Variants in BTBD9 observed in about 807,000 individuals in gnomAD.
The protein encoded by BTBD9 is BTB domain containing 9, also known as BTB/POZ domain-containing protein 9.
Under a neutral mutation model 64.3 loss-of-function variants are expected in BTBD9, and 49 were observed. The ratio of observed to expected loss-of-function variants is 0.76; its 90% CI spans 0.61 to 0.97. The LOEUF is 0.97. Among genes scored for constraint, BTBD9 ranks in the 50% least tolerant of loss-of-function variants. The pLI is 0.00. For synonymous variants in BTBD9, 260 were observed against 274.7 expected (o/e 0.95, Z 0.53); for missense variants, 598 against 762.1 (o/e 0.78, Z 2.53).
intron 6 of BTBD9, among the ~76,000 whole-genome samples, chr6:38,460,510 ATAGC>A (rs1770030218): frequency 6.6e-6 from 1 of 152,254 alleles, no homozygotes; most frequent in Non-Finnish European, 1.5e-5. Context: ...CCCTACACTA[ATAGC>A]TAGTGAATTT....
intron 9 of BTBD9, among the ~76,000 whole-genome samples, chr6:38,228,689 C>T (rs1215225437): frequency 6.6e-6 from 1 of 151,040 alleles, no homozygotes; most frequent in Non-Finnish European, 1.5e-5. Context: ...CCCTGGCTAA[C>T]ATGGTGAAAC....
intron 1 of BTBD9, among the ~76,000 whole-genome samples, chr6:38,631,503 A>G (rs916924585): frequency 2.6e-5 from 4 of 152,232 alleles, no homozygotes; most frequent in Non-Finnish European, 5.9e-5. Context: ...ACAGGACATA[A>G]AAGGCACATG....
At chr6:38,526,275 C>T (rs554527366) in intron 6 of BTBD9, among the ~76,000 whole-genome samples, 6 of 152,334 alleles carry the variant, frequency 3.9e-5, no homozygotes, top group South Asian at 4.1e-4. Context: ...CAAACACTGG[C>T]GGCTTCTAAG....
chr6:38,613,686 G>A (rs1461100096), intron 1 of BTBD9, among the ~76,000 whole-genome samples: 1 of 152,016 alleles, frequency 6.6e-6, no homozygotes, highest in Non-Finnish European at 1.5e-5. Flanking sequence ...AGCATTTTGT[G>A]TATTTCCTGC....
At chr6:38,534,760 G>C in intron 6 of BTBD9, among the ~76,000 whole-genome samples, 1 of 151,930 alleles carries the variant, frequency 6.6e-6, no homozygotes, top group Non-Finnish European at 1.5e-5. Flanking sequence ...AACAGAATGA[G>C]GACAAAAACC....
At chr6:38,497,978 T>C (rs1372018835) in intron 6 of BTBD9, among the ~76,000 whole-genome samples, 3 of 152,188 alleles carry the variant, frequency 2.0e-5, no homozygotes, top group Non-Finnish European at 4.4e-5. Flanking sequence ...TGCTGAAAAA[T>C]GGATTTAAGG....
rs1775284988 is a variant in BTBD9 at position 38,561,986 on chromosome 6, A to G, written c.1154+15614T>C. Among the ~76,000 whole-genome samples the G allele has an allele frequency of 3.3e-5, 5 of 152,284 alleles. No individual in the cohort carries two copies. In the South Asian group the frequency reaches 1.0e-3, roughly 32 times the overall value. On this transcript the variant is annotated intron_variant, in intron 6 of 10. Transcript: ENST00000481247. ...GCATGCAAGTGCACCTAGTACTATA[A>G]AGCATCTATCCTTATTACCAATACC...
chr6:38,471,836 G>T (rs1386849501), intron 6 of BTBD9, among the ~76,000 whole-genome samples: 4 of 152,160 alleles, frequency 2.6e-5, no homozygotes, highest in African/African-American at 9.7e-5. Context: ...CCAAAAAGAA[G>T]ATCCAACTTA....
intron 6 of BTBD9, among the ~76,000 whole-genome samples, chr6:38,346,217 G>C (rs907141357): frequency 9.9e-5 from 15 of 152,196 alleles, no homozygotes; most frequent in South Asian, 2.1e-4. Context: ...TCACTAATTT[G>C]GTAATTTCCT....
At position 38,174,129 on chromosome 6, in the gene BTBD9, A is replaced by G. The variant is rs1235386211; in HGVS notation, c.*856T>C. ...GCCAGAACTCGGTATATGTTTATCT[A>G]CATGGACTTCGGAACAGTGAATTAG... On this transcript the variant is annotated 3_prime_UTR_variant, in exon 11 of 11. Coordinates refer to ENST00000481247, the MANE Select transcript of BTBD9 (RefSeq NM_001099272.2). The G allele has an allele frequency of 6.6e-6, 1 of 152,232 alleles. No homozygotes were observed. The highest frequency in any genetic ancestry group is 1.5e-5 in the Non-Finnish European group (1 of 68,042). The allele number at this position is 152,232 out of a possible 1,614,324, so 9.4% of individuals were successfully genotyped here.
intron 4 of BTBD9, among the ~76,000 whole-genome samples, chr6:38,588,789 C>T (rs182448168): frequency 6.0e-4 from 91 of 152,316 alleles, no homozygotes; most frequent in Non-Finnish European, 1.2e-3. Flanking sequence ...ATTGACCTAG[C>T]TTCCCTTGTC....
intron 7 of BTBD9, among the ~76,000 whole-genome samples, chr6:38,330,835 A>G (rs1451514561): frequency 6.6e-6 from 1 of 152,250 alleles, no homozygotes; most frequent in Non-Finnish European, 1.5e-5. Flanking sequence ...CACAAATTTT[A>G]GAAATAAAAG....
chr6:38,339,159 C>T (rs987598488), intron 7 of BTBD9, among the ~76,000 whole-genome samples: 2 of 152,158 alleles, frequency 1.3e-5, no homozygotes, highest in African/African-American at 4.8e-5. Context: ...AAGACTTATA[C>T]ACAAGGCAAT....
At chr6:38,218,602 T>G (rs1763090760) in intron 9 of BTBD9, among the ~76,000 whole-genome samples, 1 of 152,200 alleles carries the variant, frequency 6.6e-6, no homozygotes, top group African/African-American at 2.4e-5. Context: ...GCCATTCCAG[T>G]AGGTGTGGCC....
At chr6:38,634,172 T>C (rs574348655) in intron 1 of BTBD9, among the ~76,000 whole-genome samples, 88 of 152,324 alleles carry the variant, frequency 5.8e-4, no homozygotes, top group African/African-American at 2.0e-3. Context: ...TTAACTCCAA[T>C]TTCACTCCCT....
chr6:38,403,585 T>G (rs1398987716), intron 6 of BTBD9, among the ~76,000 whole-genome samples: 2 of 152,190 alleles, frequency 1.3e-5, no homozygotes, highest in African/African-American at 2.4e-5. Context: ...CAATGAGTGT[T>G]GATGAGAATG....
Position 38,413,555 on chromosome 6 carries a change from T to A in BTBD9, c.1155-68462A>T, listed in dbSNP as rs575696016. On this transcript the variant is annotated intron_variant, in intron 6 of 10. Coordinates refer to ENST00000481247, the MANE Select transcript of BTBD9 (RefSeq NM_001099272.2). ...TTTTTAACCAATTAATCATCTAGAT[T>A]GCTCTTCTCTAGACCAGCCAGTTAT... 5.3e-5 allele frequency among the ~76,000 whole-genome samples: 8 copies of A among 152,332 alleles called. No homozygotes were observed. In the East Asian group the frequency reaches 1.5e-3, roughly 29 times the overall value.
At chr6:38,232,676 T>G in intron 9 of BTBD9, among the ~76,000 whole-genome samples, 1 of 152,020 alleles carries the variant, frequency 6.6e-6, no homozygotes, top group East Asian at 1.9e-4. Flanking sequence ...TTTTTTTTTT[T>G]TTTTTGAAGA....
At chr6:38,443,091 C>T (rs2127318969) in intron 6 of BTBD9, among the ~76,000 whole-genome samples, 1 of 152,244 alleles carries the variant, frequency 6.6e-6, no homozygotes, top group African/African-American at 2.4e-5. Context: ...ACTTGGCAGG[C>T]AAATGGATTG....
Sources: allele counts gnomAD v4.1 joint callset (sites outside exome capture counted in the v4.1 genomes callset), GRCh38; gene constraint gnomAD v4.1.1; transcripts MANE v1.5; gene names NCBI Gene and HGNC (gene_info 2026-07-23, HGNC 2026-07-21).